The following TP53BP1 variants were observed in gnomAD, a reference collection of about 807,000 sequenced individuals.
TP53BP1 encodes the protein tumor protein p53 binding protein 1, also known as TP53-binding protein 1.
TP53BP1 carries 61 observed loss-of-function variants against 200.8 expected under a neutral mutation model. The observed-to-expected ratio is 0.30, with a 90% CI of 0.25 to 0.38. The LOEUF (loss-of-function observed/expected upper bound fraction) is 0.38. Ranked by LOEUF, TP53BP1 falls within the 10% of genes least tolerant of loss-of-function variation. TP53BP1 has a pLI of 1.00. For missense variants in TP53BP1, 2,144 were observed against 2,371.9 expected (o/e 0.90, Z 2.00); for synonymous variants, 822 against 844.3 (o/e 0.97, Z 0.46).
At position 43,427,017 on chromosome 15, in the gene TP53BP1, C is replaced by CAAA. The variant is rs1230749433; in HGVS notation, c.3828+996_3828+998dup. The stretch of plus-strand genomic sequence containing the variant: ...TGGGCAACAGAGCAAGACTCTGCCT[C>CAAA]AAAAAAAAAAAAAAAAAAAGAAAAT... On this transcript the variant is annotated intron_variant, in intron 18 of 27. Coordinates refer to ENST00000382044, the MANE Select transcript of TP53BP1 (RefSeq NM_001141980.3). 1.6e-4 allele frequency among the ~76,000 whole-genome samples: 11 copies of CAAA among 67,682 alleles called. No individual in the cohort carries two copies. The South Asian group carries it at 3.9e-3, about 24-fold the overall frequency. The allele number at this position is 67,682 out of a possible 152,430, so 44.4% of individuals were successfully genotyped here.
At chr15:43,507,286 C>G (rs2099247258) in intron 1 of TP53BP1, among the ~76,000 whole-genome samples, 1 of 152,172 alleles carries the variant, frequency 6.6e-6, no homozygotes, top group African/African-American at 2.4e-5. Flanking sequence ...AGGCACCCAC[C>G]AACACGCCCA....
intron 1 of TP53BP1, among the ~76,000 whole-genome samples, chr15:43,508,122 G>T (rs1438228845): frequency 6.6e-6 from 1 of 152,204 alleles, no homozygotes; most frequent in African/African-American, 2.4e-5. Flanking sequence ...AGCACTTTGG[G>T]AGGCCGAGGT....
At chr15:43,489,263 A>C (rs1374993356) in intron 4 of TP53BP1, among the ~76,000 whole-genome samples, 1 of 152,248 alleles carries the variant, frequency 6.6e-6, no homozygotes, top group African/African-American at 2.4e-5. Flanking sequence ...AGCCCCTTTA[A>C]AGCACATGCC....
chr15:43,437,749 A>G (rs1392363024), intron 16 of TP53BP1, among the ~76,000 whole-genome samples: 1 of 152,234 alleles, frequency 6.6e-6, no homozygotes, highest in African/African-American at 2.4e-5. Context: ...TCCAGAATAC[A>G]CTATAGTCCC....
At chr15:43,458,996 C>T (rs569940853) in intron 11 of TP53BP1, among the ~76,000 whole-genome samples, 2 of 152,170 alleles carry the variant, frequency 1.3e-5, no homozygotes, top group African/African-American at 4.8e-5. Context: ...AAAATATGTG[C>T]CCACAGAAAG....
At position 43,477,688 on chromosome 15, in the gene TP53BP1, T is replaced by C. The variant is rs1371986369; in HGVS notation, c.860A>G (p.Gln287Arg). ...CTGCAGTCCACTTTCCATAAGTTCT[T>C]GTGCAGACAACTGTTCTTTTGCTTC... ...AMEAKEQLSA[Q>R]ELMESGLQIQ... Residue 287 changes from glutamine to arginine, a missense_variant, in exon 8 of 28, where the codon CAA becomes CGA. Around this residue, in one of 4 missense-constraint regions of TP53BP1, gnomAD observed 1,700 missense variants for 1,710.3 expected, o/e 0.99. Transcript: ENST00000382044. The C allele has an allele frequency of 1.2e-6, 2 of 1,613,828 alleles. No homozygotes were observed. Among genetic ancestry groups the C allele is most frequent in the Non-Finnish European group, 1.7e-6 (2 of 1,179,882 alleles).
chr15:43,428,100 G>C lies in TP53BP1; in HGVS notation c.3744C>G (p.Ile1248Met), dbSNP rs766362735. Reference sequence around the variant, plus strand: ...GAGTGACAAGTGTGCGTACTTCCCGGATTGTTCTCATGTGACGATGTAAGA... The same window carrying C: ...GAGTGACAAGTGTGCGTACTTCCCGCATTGTTCTCATGTGACGATGTAAGA... ...GHVLHRHMRT[I>M]REVRTLVTRV... is the part of the protein sequence containing the mutation. The change falls in exon 18 of 28, where the codon ATC becomes ATG. Residue 1248 changes from isoleucine (I) to methionine (M), a missense_variant. Transcript: ENST00000382044. The C allele has an allele frequency of 6.2e-7, 1 of 1,613,120 alleles. No homozygotes were observed. The highest frequency in any genetic ancestry group is 1.3e-5 in the African/African-American group (1 of 74,868).
chr15:43,411,421 A>AT (rs2142955856), intron 24 of TP53BP1, among the ~76,000 whole-genome samples: 1 of 152,378 alleles, frequency 6.6e-6, no homozygotes, highest in South Asian at 2.1e-4. Context: ...ATTAATAAAT[A>AT]TATCTCATAA....
chr15:43,409,870 C>A, intron 24 of TP53BP1, 129 bp from the exon 25 acceptor site: 1 of 461,700 alleles, frequency 2.2e-6, no homozygotes, highest in Non-Finnish European at 3.8e-6. Context: ...CAAAGACAGG[C>A]CAAGGGCTTC....
chr15:43,473,379 C>A (rs912347458), intron 10 of TP53BP1, among the ~76,000 whole-genome samples: 1 of 152,148 alleles, frequency 6.6e-6, no homozygotes, highest in African/African-American at 2.4e-5. Context: ...CATTTACAAT[C>A]CCTGAGCTAG....
chr15:43,473,254 G>A (rs1002947656), intron 10 of TP53BP1, among the ~76,000 whole-genome samples: 9 of 152,116 alleles, frequency 5.9e-5, no homozygotes, highest in Admixed American at 6.6e-5. Context: ...AAGGGGACCC[G>A]AGCGGGTTGC....
intron 10 of TP53BP1, among the ~76,000 whole-genome samples, chr15:43,474,218 CCGCAAGCGCCG>C (rs2046797175): frequency 6.6e-6 from 1 of 152,138 alleles, no homozygotes; most frequent in South Asian, 2.1e-4. Flanking sequence ...TCCAGCTGGC[CCGCAAGCGCCG>C]CGCACAGCCC....
chr15:43,469,077 A>T (rs1476895523), intron 11 of TP53BP1, among the ~76,000 whole-genome samples: 3 of 152,164 alleles, frequency 2.0e-5, no homozygotes, highest in Non-Finnish European at 4.4e-5. Flanking sequence ...TCCCAATAAA[A>T]CTACAATAAT....
chr15:43,479,325 T>C (rs2078928901), intron 7 of TP53BP1, 72 bp downstream of exon 7: 2 of 1,398,568 alleles, frequency 1.4e-6, no homozygotes, highest in South Asian at 3.4e-5. Context: ...AAAAATGTTT[T>C]CATCTGGTAA....
At chr15:43,482,767 CAA>C (rs59569850) in intron 4 of TP53BP1, among the ~76,000 whole-genome samples, 1 of 135,606 alleles carries the variant, frequency 7.4e-6, no homozygotes, top group Non-Finnish European at 1.6e-5. Flanking sequence ...GACTCCGTCT[CAA>C]AAAAAAAAAA....
At chr15:43,490,553 T>C (rs1437748796) in intron 4 of TP53BP1, among the ~76,000 whole-genome samples, 1 of 152,090 alleles carries the variant, frequency 6.6e-6, no homozygotes, top group East Asian at 1.9e-4. Context: ...GAAAAAACAA[T>C]AGTCTTTAAC....
At position 43,432,231 on chromosome 15, in the gene TP53BP1, C is replaced by G. The variant is rs1238971475; in HGVS notation, c.3638G>C (p.Ser1213Thr). 2.5e-6 allele frequency: 4 copies of G among 1,614,042 alleles called. No individual in the cohort carries two copies. Among genetic ancestry groups the G allele is most frequent in the Non-Finnish European group, 3.4e-6 (4 of 1,180,008 alleles). The change falls in exon 17 of 28, where the codon AGT becomes ACT. Residue 1213 changes from serine to threonine, a missense_variant. Ser to Thr is a moderately conservative substitution (Grantham distance 58, BLOSUM62 1). Transcript: ENST00000382044. ...TERGSGEKPV[S>T]APGDDTESLH... ...CGACTCTGTATCATCCCCAGGAGCA[C>G]TGACTGGTTTCTCACCACTCCCCCT...
intron 22 of TP53BP1, 119 bp downstream of exon 22, chr15:43,416,106 A>T: frequency 1.0e-6 from 1 of 959,790 alleles, no homozygotes; most frequent in Admixed American, 2.6e-5. Flanking sequence ...CCACCATCTG[A>T]GAAGCCACAC....
chr15:43,423,940 T>C (rs937570089), intron 18 of TP53BP1, among the ~76,000 whole-genome samples: 16 of 152,164 alleles, frequency 1.1e-4, no homozygotes, highest in African/African-American at 3.9e-4. Flanking sequence ...TCACATGCTT[T>C]CCCTGGTCAG....
Sources: allele counts gnomAD v4.1 joint callset (sites outside exome capture counted in the v4.1 genomes callset), GRCh38; gene constraint gnomAD v4.1.1; regional missense constraint gnomAD v4.1.1; transcripts MANE v1.5; gene names NCBI Gene and HGNC (gene_info 2026-07-23, HGNC 2026-07-21).